Variants in EYS observed in about 807,000 individuals in gnomAD.
EYS encodes protein eyes shut homolog.
In EYS, 250 loss-of-function variants were observed where a neutral mutation model predicts 282.1. That is an observed-to-expected ratio of 0.89 (90% CI 0.80 to 0.98). The LOEUF (loss-of-function observed/expected upper bound fraction) is 0.98, where lower values mean the gene tolerates loss of function less well. EYS is among the 50% of genes least tolerant of loss of function. EYS has a pLI of 0.00. For synonymous variants in EYS, 1,355 were observed against 1,282.9 expected, an observed-to-expected ratio of 1.06 and a Z score of -1.20; for missense variants, 4,016 against 3,709.0, an observed-to-expected ratio of 1.08 and a Z score of -2.15.
intron 2 of EYS, among the ~76,000 whole-genome samples, chr6:65,579,794 T>C (rs1377301706): frequency 1.3e-5 from 2 of 152,090 alleles, no homozygotes; most frequent in African/African-American, 2.4e-5. Flanking sequence ...TGTTGCAACA[T>C]ATGAATTTTG....
chr6:63,981,298 GTCCTATAGC>G (rs1767078846), intron 35 of EYS, among the ~76,000 whole-genome samples: 1 of 151,654 alleles, frequency 6.6e-6, no homozygotes, highest in African/African-American at 2.4e-5. Flanking sequence ...CTCCTCCGTG[GTCCTATAGC>G]TCTCTGTTTT....
At chr6:65,196,564 T>C (rs1156582411) in intron 12 of EYS, among the ~76,000 whole-genome samples, 1 of 152,058 alleles carries the variant, frequency 6.6e-6, no homozygotes, top group Non-Finnish European at 1.5e-5. Context: ...TATTAAGCCC[T>C]TGGGACTACA....
chr6:64,723,506 C>A (rs989641756), intron 22 of EYS, among the ~76,000 whole-genome samples: 1 of 152,122 alleles, frequency 6.6e-6, no homozygotes, highest in African/African-American at 2.4e-5. Flanking sequence ...AATCACAAGG[C>A]AATAAAGCCT....
rs189117737 is a variant in EYS at position 63,858,552 on chromosome 6, A to G, written c.7228+5634T>C. ...CAACTTCCCTCAGTTCTTATGGAAT[A>G]AAAAGTGCAGGCCATTCAAAGTCTG... On this transcript the variant is annotated intron_variant, in intron 36 of 42. Coordinates refer to ENST00000503581, the MANE Select transcript of EYS (RefSeq NM_001142800.2). Among the ~76,000 whole-genome samples, 3 of 152,334 alleles carry G rather than the reference A, an allele frequency of 2.0e-5. No homozygotes were observed. The East Asian group carries it at 5.8e-4, about 29-fold the overall frequency.
intron 32 of EYS, among the ~76,000 whole-genome samples, chr6:64,081,340 TA>T (rs1341612640): frequency 6.6e-6 from 1 of 152,148 alleles, no homozygotes; most frequent in Non-Finnish European, 1.5e-5. Flanking sequence ...GCAAATTGCA[TA>T]ATAATGCAGA....
At chr6:65,332,540 G>T in intron 11 of EYS, 1 of 782,738 alleles carries the variant, frequency 1.3e-6, no homozygotes, top group Non-Finnish European at 2.1e-6. Flanking sequence ...TGATCTTAGT[G>T]GTATACAGAG....
At chr6:65,624,917 C>T (rs770010298) in intron 2 of EYS, among the ~76,000 whole-genome samples, 12 of 152,128 alleles carry the variant, frequency 7.9e-5, no homozygotes, top group Non-Finnish European at 1.3e-4. Flanking sequence ...TACTGTGGGA[C>T]GTCACCTTGT....
chr6:63,956,457 G>A (rs1765826660), intron 35 of EYS, among the ~76,000 whole-genome samples: 1 of 152,172 alleles, frequency 6.6e-6, no homozygotes. Flanking sequence ...GCACCCAGGT[G>A]ATTAAAAAGC....
At chr6:64,688,988 A>G (rs1232839503) in intron 22 of EYS, among the ~76,000 whole-genome samples, 1 of 152,010 alleles carries the variant, frequency 6.6e-6, no homozygotes, top group East Asian at 1.9e-4. Flanking sequence ...AGGCAGGAGA[A>G]GGAAATAAAG....
intron 31 of EYS, among the ~76,000 whole-genome samples, chr6:64,148,210 A>T (rs896393216): frequency 6.6e-6 from 1 of 152,156 alleles, no homozygotes. Context: ...CTCATTTTCT[A>T]TATATGTATA....
chr6:64,547,816 T>A (rs1441516594), intron 26 of EYS, among the ~76,000 whole-genome samples: 1 of 152,122 alleles, frequency 6.6e-6, no homozygotes, highest in Non-Finnish European at 1.5e-5. Context: ...CAGGAGCCCA[T>A]GGCAGTGGGG....
chr6:64,969,864 G>C (rs1770227603), intron 14 of EYS, among the ~76,000 whole-genome samples: 1 of 151,990 alleles, frequency 6.6e-6, no homozygotes, highest in Non-Finnish European at 1.5e-5. Flanking sequence ...ATTTCACCTT[G>C]GTACTCTTCA....
At chr6:64,005,959 A>G (rs953702314) in intron 33 of EYS, among the ~76,000 whole-genome samples, 2 of 151,922 alleles carry the variant, frequency 1.3e-5, no homozygotes, top group African/African-American at 4.8e-5. Flanking sequence ...CTGGCTCTTT[A>G]TCGGTTCCAT....
intron 12 of EYS, among the ~76,000 whole-genome samples, chr6:65,224,143 C>A (rs1247197711): frequency 6.6e-6 from 1 of 152,040 alleles, no homozygotes; most frequent in African/African-American, 2.4e-5. Context: ...TTATTAAGTT[C>A]ACATGGAACA....
At chr6:64,827,247 T>C (rs1261264573) in intron 19 of EYS, among the ~76,000 whole-genome samples, 2 of 151,868 alleles carry the variant, frequency 1.3e-5, no homozygotes, top group Non-Finnish European at 2.9e-5. Context: ...CACATCTCTG[T>C]TTGCAGCCTG....
intron 22 of EYS, among the ~76,000 whole-genome samples, chr6:64,701,129 C>T (rs1409726976): frequency 6.6e-6 from 1 of 151,900 alleles, no homozygotes; most frequent in Admixed American, 6.6e-5. Context: ...AAAAGGATAC[C>T]CTATTCAATA....
chr6:65,288,754 T>C (rs1408293183), intron 12 of EYS, among the ~76,000 whole-genome samples: 1 of 151,146 alleles, frequency 6.6e-6, no homozygotes, highest in East Asian at 1.9e-4. Context: ...TCTCCTGCTA[T>C]TTTAAAGATA....
At chr6:64,734,018 A>G (rs1772075147) in intron 22 of EYS, among the ~76,000 whole-genome samples, 1 of 152,188 alleles carries the variant, frequency 6.6e-6, no homozygotes, top group Non-Finnish European at 1.5e-5. Flanking sequence ...TACGTTTAAA[A>G]CAATAAAACA....
At chr6:64,604,043 T>C (rs1298195788) in intron 24 of EYS, among the ~76,000 whole-genome samples, 1 of 151,948 alleles carries the variant, frequency 6.6e-6, no homozygotes, top group African/African-American at 2.4e-5. Flanking sequence ...TATTTCTCTC[T>C]TTTTTTATTT....
Sources: allele counts gnomAD v4.1 joint callset (sites outside exome capture counted in the v4.1 genomes callset), GRCh38; gene constraint gnomAD v4.1.1; transcripts MANE v1.5; gene names NCBI Gene and HGNC (gene_info 2026-07-23, HGNC 2026-07-21).